Variants in ABI3BP observed in about 807,000 individuals in gnomAD.
The protein encoded by ABI3BP is target of Nesh-SH3.
A neutral mutation model predicts 268.6 loss-of-function variants in ABI3BP; 216 were observed. The observed-to-expected ratio is 0.80, with a 90% CI of 0.72 to 0.90. ABI3BP has a LOEUF of 0.90. ABI3BP is among the 40% of genes least tolerant of loss of function. ABI3BP has a pLI of 0.00. For missense variants in ABI3BP, 2,090 were observed against 2,182.4 expected (o/e 0.96, Z 0.84); for synonymous variants, 730 against 730.0 (o/e 1.00, Z 0.00).
chr3:100,879,071 A>G (rs928225999), intron 6 of ABI3BP, among the ~76,000 whole-genome samples: 4 of 152,178 alleles, frequency 2.6e-5, no homozygotes, highest in African/African-American at 7.2e-5. Context: ...ATACATTAAT[A>G]GTAACTACGG....
chr3:100,870,025 G>GATGCCCC (rs1390160950), intron 9 of ABI3BP, among the ~76,000 whole-genome samples: 1 of 152,064 alleles, frequency 6.6e-6, no homozygotes, highest in Non-Finnish European at 1.5e-5. Flanking sequence ...TATACTTCTT[G>GATGCCCC]ATGCCCCGTT....
Position 100,961,422 on chromosome 3 carries a change from T to C in ABI3BP, c.79+31884A>G, listed in dbSNP as rs540708235. ...ACCGCAATAAACCCTATTCAAAAGA[T>C]TGAGAAATGAAATGATCCCCCATTT... On this transcript the variant is annotated intron_variant, in intron 1 of 67. Transcript: ENST00000471714. 2.6e-5 allele frequency among the ~76,000 whole-genome samples: 4 copies of C among 152,160 alleles called. No individual in the cohort carries two copies. The East Asian group carries it at 7.7e-4, about 29-fold the overall frequency.
chr3:100,772,373 A>C (rs1028000196), intron 61 of ABI3BP, among the ~76,000 whole-genome samples: 29 of 152,214 alleles, frequency 1.9e-4, no homozygotes, highest in Admixed American at 1.3e-4. Context: ...ATCTCTAAAA[A>C]ATAGTTTACT....
At chr3:100,863,717 G>C in intron 12 of ABI3BP, 1 of 358,812 alleles carries the variant, frequency 2.8e-6, no homozygotes, top group Non-Finnish European at 5.1e-6. Flanking sequence ...AGACAATAGA[G>C]TAAACACATT....
At chr3:100,834,076 T>C (rs187696680) in intron 29 of ABI3BP, among the ~76,000 whole-genome samples, 1 of 152,236 alleles carries the variant, frequency 6.6e-6, no homozygotes, top group African/African-American at 2.4e-5. Flanking sequence ...GCTCAAGCGA[T>C]CCTCCCACCT....
chr3:100,804,183 T>A (rs2097623991), intron 51 of ABI3BP, among the ~76,000 whole-genome samples: 1 of 152,158 alleles, frequency 6.6e-6, no homozygotes, highest in Non-Finnish European at 1.5e-5. Flanking sequence ...GTAATACCCA[T>A]GAAGATACTC....
intron 3 of ABI3BP, 93 bp from the exon 4 acceptor site, chr3:100,898,987 G>A: frequency 7.6e-7 from 1 of 1,317,218 alleles, no homozygotes; most frequent in African/African-American, 1.5e-5. Flanking sequence ...TTGGCAAGAT[G>A]ATGCAAAATG....
chr3:100,944,752 G>T (rs904794179), intron 1 of ABI3BP, among the ~76,000 whole-genome samples: 15 of 152,098 alleles, frequency 9.9e-5, no homozygotes, highest in African/African-American at 3.6e-4. Context: ...AGTACTGATG[G>T]TATATACTTG....
At chr3:100,787,897 C>A in intron 56 of ABI3BP, 95 bp from the exon 57 acceptor site, 1 of 859,608 alleles carries the variant, frequency 1.2e-6, no homozygotes, top group Non-Finnish European at 1.6e-6. Context: ...GTCATTTAGG[C>A]AATAAAAAAG....
Position 100,773,565 on chromosome 3 carries a change from C to T in ABI3BP, c.4531+1040G>A, listed in dbSNP as rs561786749. On this transcript the variant is annotated intron_variant, in intron 61 of 67. Transcript: ENST00000471714. ...AGTCTTTTAAAATGTTATATAAACA[C>T]TTATATGTCATGTAGCCACCCCTTC... Among the ~76,000 whole-genome samples the T allele has an allele frequency of 3.9e-5, 6 of 152,302 alleles. No homozygotes were observed. In the East Asian group the frequency reaches 5.8e-4, roughly 15 times the overall value.
At chr3:100,924,504 C>G (rs980541001) in intron 2 of ABI3BP, among the ~76,000 whole-genome samples, 2 of 152,038 alleles carry the variant, frequency 1.3e-5, no homozygotes, top group African/African-American at 2.4e-5. Flanking sequence ...GCAATGAATA[C>G]AGTATGTATG....
chr3:100,905,558 C>T (rs1009275302), intron 2 of ABI3BP, among the ~76,000 whole-genome samples: 3 of 151,308 alleles, frequency 2.0e-5, no homozygotes, highest in Admixed American at 1.3e-4. Context: ...CCAACTCTTC[C>T]TCATTCAGAA....
intron 1 of ABI3BP, among the ~76,000 whole-genome samples, chr3:100,953,754 T>C (rs1028500412): frequency 1.1e-4 from 16 of 152,150 alleles, no homozygotes; most frequent in African/African-American, 3.9e-4. Flanking sequence ...AGACTTCAGC[T>C]TAGCTTTGAA....
chr3:100,768,107 G>A (rs921775648), intron 62 of ABI3BP, among the ~76,000 whole-genome samples: 10 of 64,580 alleles, frequency 1.5e-4, no homozygotes, highest in Non-Finnish European at 2.0e-4. Context: ...TTTTTTTTGA[G>A]ACGGAGTCTC....
chr3:100,952,487 GA>G (rs1188232447), intron 1 of ABI3BP: 1 of 152,010 alleles, frequency 6.6e-6, no homozygotes, highest in Non-Finnish European at 1.5e-5. Flanking sequence ...TTGTACTAGA[GA>G]AAAATTAAAC....
intron 1 of ABI3BP, among the ~76,000 whole-genome samples, chr3:100,934,877 A>G (rs368095141): frequency 1.3e-5 from 2 of 152,016 alleles, no homozygotes; most frequent in African/African-American, 2.4e-5. Context: ...CTGGATATTA[A>G]CCCTTTGTCA....
At chr3:100,899,010 G>T in intron 3 of ABI3BP, 116 bp from the exon 4 acceptor site, 1 of 1,148,924 alleles carries the variant, frequency 8.7e-7, no homozygotes, top group African/African-American at 1.6e-5. Flanking sequence ...AAAACATCAA[G>T]TTCCTTTCCT....
intron 1 of ABI3BP, among the ~76,000 whole-genome samples, chr3:100,943,202 C>T (rs1421104170): frequency 6.6e-6 from 1 of 151,570 alleles, no homozygotes; most frequent in Non-Finnish European, 1.5e-5. Context: ...AGAGCATATC[C>T]ATAAGGCAGC....
chr3:100,854,577 T>C (rs1032584166), intron 14 of ABI3BP, among the ~76,000 whole-genome samples: 1 of 152,230 alleles, frequency 6.6e-6, no homozygotes, highest in African/African-American at 2.4e-5. Flanking sequence ...TGAACCCTTC[T>C]GTATGGTAGC....
Sources: allele counts gnomAD v4.1 joint callset (sites outside exome capture counted in the v4.1 genomes callset), GRCh38; gene constraint gnomAD v4.1.1; transcripts MANE v1.5; gene names NCBI Gene and HGNC (gene_info 2026-07-23, HGNC 2026-07-21).